Variants in DXO observed in about 807,000 individuals in gnomAD.
DXO encodes the protein decapping exoribonuclease, also known as decapping and exoribonuclease protein.
DXO carries 42 observed loss-of-function variants against 39.8 expected under a neutral mutation model. The ratio of observed to expected loss-of-function variants is 1.06; its 90% CI spans 0.83 to 1.37. The LOEUF (loss-of-function observed/expected upper bound fraction) is 1.37. Ranked by LOEUF, DXO falls within the 40% of genes most tolerant of loss-of-function variation. The probability of loss-of-function intolerance (pLI) is 0.00; values close to 1 mark genes in which losing one functional copy is unlikely to be tolerated. For missense variants in DXO, 495 were observed against 513.0 expected, an observed-to-expected ratio of 0.96 and a Z score of 0.34; for synonymous variants, 193 against 200.4, an observed-to-expected ratio of 0.96 and a Z score of 0.31.
rs567817660 is a variant in DXO, at chr6:31,970,750, C to T, written c.668G>A (p.Arg223His). 34 of 1,612,832 alleles carry T rather than the reference C, an allele frequency of 2.1e-5. No homozygotes were observed. Among genetic ancestry groups the T allele is most frequent in the Admixed American group, 5.0e-5 (3 of 60,016 alleles). ...NVAFCSVLRS[R>H]LGSHPLLFSG... ...GAAGAGCAGAGGGTGGCTTCCCAGG[C>T]GGCTGCGTAGCACAGAGCAGAAGGC... Residue 223 changes from arginine (R) to histidine (H), a missense_variant, in exon 4 of 7, where the codon CGC (arginine) becomes CAC (histidine). Arg to His is a conservative substitution (Grantham distance 29). Transcript: ENST00000337523. The surrounding 1 kb of genome is among the most constrained non-coding windows in gnomAD (Gnocchi z 4.0).
chr6:31,970,127 A>T lies in DXO; in HGVS notation c.1025T>A (p.Val342Asp), dbSNP rs780346295. 4 of 1,613,778 alleles carry T rather than the reference A, an allele frequency of 2.5e-6. No individual in the cohort carries two copies. The African/African-American group carries it at 5.3e-5, about 22-fold the overall frequency. The change falls in exon 6 of 7, where the codon GTT becomes GAT. Residue 342 changes from valine (V) to aspartate (D), a missense_variant. Transcript: ENST00000337523. The surrounding 1 kb of genome is among the most constrained non-coding windows in gnomAD (Gnocchi z 4.0). ...AAFLSFAQST[V>D]VQDDPRLVHL... is the part of the protein sequence containing the mutation. ...GCCTCACCTGGGGTCATCCTGGACA[A>T]CCGTGCTCTGGGCAAAGCTAAGGAA...
rs1314893644 is a variant in DXO, at chr6:31,971,879, T to G, written c.-7+50A>C. ...CCACCCTCCCTCCAGGTCCTCCAAATGCAGTGAGGTTAGGAAGGACGTCTG... is the reference window on the plus strand; with the variant it reads ...CCACCCTCCCTCCAGGTCCTCCAAAGGCAGTGAGGTTAGGAAGGACGTCTG... On this transcript the variant is annotated intron_variant, in intron 1 of 6. Coordinates refer to ENST00000337523, the MANE Select transcript of DXO (RefSeq NM_005510.4). The surrounding 1 kb of genome is among the most constrained non-coding windows in gnomAD (Gnocchi z 4.5). The G allele has an allele frequency of 8.9e-6, 13 of 1,458,724 alleles. No homozygotes were observed. The highest frequency in any genetic ancestry group is 1.1e-5 in the Non-Finnish European group (12 of 1,093,032). 90.4% of individuals were successfully genotyped at this position (1,458,724 alleles called of 1,614,324 possible). A position where few individuals can be genotyped will look rare whatever the true frequency, so the allele number is the denominator to read the frequency against.
chr6:31,971,716 C>T lies in DXO; in HGVS notation c.-6-35G>A. Reference sequence around the variant, plus strand: ...GCAGGGGTACAGAGTTTCCATTCTACAGAGGAGGCCTGGAGAAGGATGACT... The same window carrying T: ...GCAGGGGTACAGAGTTTCCATTCTATAGAGGAGGCCTGGAGAAGGATGACT... On this transcript the variant is annotated intron_variant, in intron 1 of 6. Transcript: ENST00000337523. This position sits in a 1 kb window ranked among gnomAD's most constrained non-coding sequence, Gnocchi z 4.5. 1.3e-6 allele frequency: 2 copies of T among 1,553,814 alleles called. No homozygotes were observed. The highest frequency in any genetic ancestry group is 8.7e-7 in the Non-Finnish European group (1 of 1,153,542).
rs1459754537 is a variant in DXO at position 31,969,889 on chromosome 6, G to T, written c.1179C>A (p.Pro393=). Residue 393 remains proline (P), a synonymous_variant, in exon 7 of 7, where the codon CCC becomes CCA. Transcript: ENST00000337523. The surrounding 1 kb of genome is among the most constrained non-coding windows in gnomAD (Gnocchi z 6.1). The stretch of plus-strand genomic sequence containing the variant: ...CTCTAAAGCATTACTATTTGGGAGA[G>T]GGAGTCTTGGGGGGTGATGGGAGGT... ...TQDLPSPPKT[P]SPK is the part of the protein sequence containing the mutation. 1 of 1,614,052 alleles carries T rather than the reference G, an allele frequency of 6.2e-7. No homozygotes were observed. The highest frequency in any genetic ancestry group is 1.3e-5 in the African/African-American group (1 of 74,912).
Position 31,970,021 on chromosome 6 carries a change from G to A in DXO, c.1047C>T (p.Leu349=). The A allele has an allele frequency of 4.3e-6, 7 of 1,613,980 alleles. No homozygotes were observed. The highest frequency in any genetic ancestry group is 5.9e-6 in the Non-Finnish European group (7 of 1,179,992). ...QSTVVQDDPR[L]VHLFSWEPGG... Reference sequence around the variant, plus strand: ...CAGGCTCCCAAGAGAAGAGATGAACGAGCCTGGGGGGCAGATGGAGGCATC... The same window carrying A: ...CAGGCTCCCAAGAGAAGAGATGAACAAGCCTGGGGGGCAGATGGAGGCATC... The change falls in exon 7 of 7, where the codon CTC becomes CTT. Residue 349 remains leucine, a synonymous_variant. Coordinates refer to ENST00000337523, the MANE Select transcript of DXO (RefSeq NM_005510.4). This position sits in a 1 kb window ranked among gnomAD's most constrained non-coding sequence, Gnocchi z 4.0.
At position 31,970,177 on chromosome 6, in the gene DXO, A is replaced by G; in HGVS notation, c.975T>C (p.Ser325=). ...VRNDRDGWNP[S]VCMNFCAAFL... ...AGGCGGCACAGAAGTTCATGCACAC[A>G]GAGGGATTCCAGCCGTCACGGTCAT... is the stretch of plus-strand genomic sequence containing the variant. The change falls in exon 6 of 7, where the codon TCT becomes TCC. Residue 325 remains serine, a synonymous_variant. Coordinates refer to ENST00000337523, the MANE Select transcript of DXO (RefSeq NM_005510.4). The surrounding 1 kb of genome is among the most constrained non-coding windows in gnomAD (Gnocchi z 4.0). The G allele has an allele frequency of 1.2e-6, 2 of 1,613,942 alleles. No individual in the cohort carries two copies. The highest frequency in any genetic ancestry group is 1.7e-6 in the Non-Finnish European group (2 of 1,180,008).
In DXO at chr6:31,971,855, C is replaced by A; in HGVS notation, c.-7+74G>T. 1 of 1,388,502 alleles carries A rather than the reference C, an allele frequency of 7.2e-7. No individual in the cohort carries two copies. The highest frequency in any genetic ancestry group is 9.6e-7 in the Non-Finnish European group (1 of 1,042,648). The allele number at this position is 1,388,502 out of a possible 1,614,324, so 86.0% of individuals were successfully genotyped here. ...CCTGCCTCTTTCCTTGCCCTTCACCCACCCTCCCTCCAGGTCCTCCAAATG... is the reference window on the plus strand; with the variant it reads ...CCTGCCTCTTTCCTTGCCCTTCACCAACCCTCCCTCCAGGTCCTCCAAATG... On this transcript the variant is annotated intron_variant, in intron 1 of 6. Transcript: ENST00000337523. The surrounding 1 kb of genome is among the most constrained non-coding windows in gnomAD (Gnocchi z 4.5).
At position 31,971,393 on chromosome 6, in the gene DXO, G is replaced by C; in HGVS notation, c.283C>G (p.Arg95Gly). 6.3e-7 allele frequency: 1 copy of C among 1,591,354 alleles called. No individual in the cohort carries two copies. Among genetic ancestry groups the C allele is most frequent in the South Asian group, 1.1e-5 (1 of 88,972 alleles). Residue 95 changes from arginine (R) to glycine (G), a missense_variant, in exon 2 of 7, where the codon CGG (arginine) becomes GGG (glycine). Physicochemically the swap from Arg to Gly is moderately radical, Grantham distance 125. Transcript: ENST00000337523. This position sits in a 1 kb window ranked among gnomAD's most constrained non-coding sequence, Gnocchi z 4.5. ...AGCCTTTCCTGGACCTCCTCGTCCC[G>C]GGGCTGGTATCGATCCGGGTATCCG... ...RDGYPDRYQP[R>G]DEEVQERLDH...
chr6:31,970,086 A>G lies in DXO; in HGVS notation c.1043+23T>C, dbSNP rs1307093362. 3 of 1,613,730 alleles carry G rather than the reference A, an allele frequency of 1.9e-6. No homozygotes were observed. The highest frequency in any genetic ancestry group is 2.5e-6 in the Non-Finnish European group (3 of 1,179,996). ...GGCTGGATCCTGGGATCCAGAGGGGAGGGACAGAGCTGAATGCCTCACCTG... is the reference window on the plus strand; with the variant it reads ...GGCTGGATCCTGGGATCCAGAGGGGGGGGACAGAGCTGAATGCCTCACCTG... On this transcript the variant is annotated intron_variant, in intron 6 of 6. Transcript: ENST00000337523. This position sits in a 1 kb window ranked among gnomAD's most constrained non-coding sequence, Gnocchi z 4.0.
Position 31,970,316 on chromosome 6 carries a change from G to C in DXO, c.948+27C>G, listed in dbSNP as rs745834417. On this transcript the variant is annotated intron_variant, in intron 5 of 6. Coordinates refer to ENST00000337523, the MANE Select transcript of DXO (RefSeq NM_005510.4). This position sits in a 1 kb window ranked among gnomAD's most constrained non-coding sequence, Gnocchi z 4.0. The stretch of plus-strand genomic sequence containing the variant: ...GTGGTCTTGGTGTTTGGGGATACGG[G>C]TGGGAGCTGCAACATCGTTCCCTTA... 2 of 1,614,058 alleles carry C rather than the reference G, an allele frequency of 1.2e-6. No individual in the cohort carries two copies. Among genetic ancestry groups the C allele is most frequent in the Non-Finnish European group, 1.7e-6 (2 of 1,179,988 alleles).
chr6:31,971,743 G>C lies in DXO; in HGVS notation c.-6-62C>G. The C allele has an allele frequency of 6.7e-7, 1 of 1,486,454 alleles. No homozygotes were observed. 92.1% of individuals were successfully genotyped at this position (1,486,454 alleles called of 1,614,324 possible). A position where few individuals can be genotyped will look rare whatever the true frequency, so the allele number is the denominator to read the frequency against. ...GAGGAGGCCTGGAGAAGGATGACTG[G>C]TTTAGGACTAAGCGAGCCACCTGAT... On this transcript the variant is annotated intron_variant, in intron 1 of 6. Coordinates refer to ENST00000337523, the MANE Select transcript of DXO (RefSeq NM_005510.4). This position sits in a 1 kb window ranked among gnomAD's most constrained non-coding sequence, Gnocchi z 4.5.
Position 31,970,514 on chromosome 6 carries a change from G to T in DXO, c.813-36C>A. 6.2e-7 allele frequency: 1 copy of T among 1,613,760 alleles called. No homozygotes were observed. The highest frequency in any genetic ancestry group is 8.5e-7 in the Non-Finnish European group (1 of 1,179,888). ...AAGCAAGGGATCAGTGGGACCCCTC[G>T]TGCACCCTCCATTCTGCCTTCACCC... On this transcript the variant is annotated intron_variant, in intron 4 of 6. Coordinates refer to ENST00000337523, the MANE Select transcript of DXO (RefSeq NM_005510.4). This position sits in a 1 kb window ranked among gnomAD's most constrained non-coding sequence, Gnocchi z 4.0.
Position 31,970,074 on chromosome 6 carries a change from G to A in DXO, c.1043+35C>T. 6.2e-7 allele frequency: 1 copy of A among 1,614,010 alleles called. No individual in the cohort carries two copies. Among genetic ancestry groups the A allele is most frequent in the Non-Finnish European group, 8.5e-7 (1 of 1,180,004 alleles). On this transcript the variant is annotated intron_variant, in intron 6 of 6. Coordinates refer to ENST00000337523, the MANE Select transcript of DXO (RefSeq NM_005510.4). The surrounding 1 kb of genome is among the most constrained non-coding windows in gnomAD (Gnocchi z 4.0). ...TTGAGGGCCAGAGGCTGGATCCTGG[G>A]ATCCAGAGGGGAGGGACAGAGCTGA...
Position 31,970,461 on chromosome 6 carries a change from C to T in DXO, c.830G>A (p.Trp277Ter), listed in dbSNP as rs1773169033. The stretch of plus-strand genomic sequence containing the variant: ...CCCTGGGAGGAATGACTGAGCCCAC[C>T]ATTTCAGGAGCTTGTGTCTGACAGG... Reference protein sequence around the residue: ...RSFYRHKLLKWWAQSFLPGVP... With the variant: ...RSFYRHKLLK Residue 277 changes from tryptophan (W) to a stop codon, truncating the protein, a stop_gained, in exon 5 of 7, where the codon TGG (tryptophan) becomes TAG (stop). Coordinates refer to ENST00000337523, the MANE Select transcript of DXO (RefSeq NM_005510.4). LOFTEE classifies it high-confidence loss of function. This position sits in a 1 kb window ranked among gnomAD's most constrained non-coding sequence, Gnocchi z 4.0. The T allele has an allele frequency of 1.2e-6, 2 of 1,614,088 alleles. No individual in the cohort carries two copies. The highest frequency in any genetic ancestry group is 1.6e-4 in the Middle Eastern group (1 of 6,062).
In DXO at chr6:31,969,879, A is replaced by G. The variant is rs150954621; in HGVS notation, c.1189T>C (p.Ter397GlnextTer1). ...PSPPKTPSPK[*>Q] ...GACTGCCTCCCTCTAAAGCATTACT[A>G]TTTGGGAGAGGGAGTCTTGGGGGGT... Residue 397 changes from the stop codon to glutamine (Q), a stop_lost, in exon 7 of 7, where the codon TAG becomes CAG. Transcript: ENST00000337523. The surrounding 1 kb of genome is among the most constrained non-coding windows in gnomAD (Gnocchi z 6.1). 1.0e-4 allele frequency: 161 copies of G among 1,613,924 alleles called. No individual in the cohort carries two copies. Among genetic ancestry groups the G allele is most frequent in the Non-Finnish European group, 1.3e-4 (153 of 1,179,996 alleles).
chr6:31,970,136 T>C lies in DXO; in HGVS notation c.1016A>G (p.Gln339Arg). 6.2e-7 allele frequency: 1 copy of C among 1,613,880 alleles called. No homozygotes were observed. Among genetic ancestry groups the C allele is most frequent in the Non-Finnish European group, 8.5e-7 (1 of 1,180,020 alleles). Residue 339 changes from glutamine to arginine, a missense_variant, in exon 6 of 7, where the codon CAG (glutamine) becomes CGG (arginine). Physicochemically the swap from Gln to Arg is conservative, Grantham distance 43. Coordinates refer to ENST00000337523, the MANE Select transcript of DXO (RefSeq NM_005510.4). This position sits in a 1 kb window ranked among gnomAD's most constrained non-coding sequence, Gnocchi z 4.0. ...GGGGTCATCCTGGACAACCGTGCTC[T>C]GGGCAAAGCTAAGGAAGGCGGCACA... Reference protein sequence around the residue: ...NFCAAFLSFAQSTVVQDDPRL... With the variant: ...NFCAAFLSFARSTVVQDDPRL...
In DXO at chr6:31,970,138, G is replaced by C. The variant is rs1773121008; in HGVS notation, c.1014C>G (p.Ala338=). The stretch of plus-strand genomic sequence containing the variant: ...GGTCATCCTGGACAACCGTGCTCTG[G>C]GCAAAGCTAAGGAAGGCGGCACAGA... ...MNFCAAFLSF[A]QSTVVQDDPR... The change falls in exon 6 of 7, where the codon GCC becomes GCG. Residue 338 remains alanine (A), a synonymous_variant. Transcript: ENST00000337523. This position sits in a 1 kb window ranked among gnomAD's most constrained non-coding sequence, Gnocchi z 4.0. The C allele has an allele frequency of 6.2e-7, 1 of 1,613,780 alleles. No homozygotes were observed. The highest frequency in any genetic ancestry group is 1.1e-5 in the South Asian group (1 of 91,086).
Position 31,971,536 on chromosome 6 carries a change from G to A in DXO, c.140C>T (p.Ser47Leu), listed in dbSNP as rs1425476641. ...SGPFPFYRRP[S>L]ELGCFSLDAQ... ...ATCCAGGGAGAAGCAGCCCAGTTCCGAAGGGCGCCGGTAGAAAGGAAAGGG... is the reference window on the plus strand; with the variant it reads ...ATCCAGGGAGAAGCAGCCCAGTTCCAAAGGGCGCCGGTAGAAAGGAAAGGG... Residue 47 changes from serine (S) to leucine (L), a missense_variant, in exon 2 of 7, where the codon TCG (serine) becomes TTG (leucine). Ser to Leu is a moderately radical substitution (Grantham distance 145, BLOSUM62 -2). Coordinates refer to ENST00000337523, the MANE Select transcript of DXO (RefSeq NM_005510.4). The surrounding 1 kb of genome is among the most constrained non-coding windows in gnomAD (Gnocchi z 4.5). 6.2e-7 allele frequency: 1 copy of A among 1,614,202 alleles called. No homozygotes were observed. Among genetic ancestry groups the A allele is most frequent in the Admixed American group, 1.7e-5 (1 of 60,026 alleles).
In DXO at chr6:31,970,418, A is replaced by G; in HGVS notation, c.873T>C (p.Ala291=). 6.2e-7 allele frequency: 1 copy of G among 1,614,136 alleles called. No individual in the cohort carries two copies. Among genetic ancestry groups the G allele is most frequent in the Non-Finnish European group, 8.5e-7 (1 of 1,180,014 alleles). Residue 291 remains alanine, a synonymous_variant, in exon 5 of 7, where the codon GCT becomes GCC. Transcript: ENST00000337523. The surrounding 1 kb of genome is among the most constrained non-coding windows in gnomAD (Gnocchi z 4.0). The part of the protein sequence containing the change: ...SFLPGVPNVV[A]GFRNPDGFVS... ...CAAAACCGTCTGGGTTACGGAAGCC[A>G]GCAACAACATTCGGGACCCCTGGGA...
Sources: allele counts gnomAD v4.1 joint callset, GRCh38; gene constraint gnomAD v4.1.1; non-coding constraint Gnocchi (gnomAD v3.1); transcripts MANE v1.5; gene names NCBI Gene and HGNC (gene_info 2026-07-23, HGNC 2026-07-21).